CYTH4: variants seen among roughly 807,000 people sequenced by gnomAD.
CYTH4 encodes the protein cytohesin 4, also known as cytohesin-4.
A neutral mutation model predicts 57.5 loss-of-function variants in CYTH4; 22 were observed. The ratio of observed to expected loss-of-function variants is 0.38; its 90% CI spans 0.27 to 0.55. The LOEUF is 0.55. Ranked by LOEUF, CYTH4 falls within the 20% of genes least tolerant of loss-of-function variation. The pLI, the probability that CYTH4 is intolerant of heterozygous loss-of-function variation, is 0.74. For synonymous variants in CYTH4, 186 were observed against 206.5 expected (o/e 0.90, Z 0.85); for missense variants, 420 against 535.6 (o/e 0.78, Z 2.13).
chr22:37,283,197 G>A (rs915964853), intron 1 of CYTH4, among the ~76,000 whole-genome samples: 2 of 152,152 alleles, frequency 1.3e-5, no homozygotes, highest in African/African-American at 2.4e-5. Context: ...AGAGCCAGGG[G>A]AGGGCCAGGA....
chr22:37,301,124 C>A, intron 7 of CYTH4, 105 bp downstream of exon 7: 1 of 881,528 alleles, frequency 1.1e-6, no homozygotes, highest in Non-Finnish European at 1.8e-6. Context: ...CAGACCCTGG[C>A]AGCCCAGACC....
chr22:37,282,529 G>T lies in CYTH4; in HGVS notation c.-41G>T. 1.2e-6 allele frequency: 2 copies of T among 1,613,114 alleles called. No individual in the cohort carries two copies. The highest frequency in any genetic ancestry group is 1.7e-6 in the Non-Finnish European group (2 of 1,179,686). ...GCCCGAACAGCAGCTGGGTCGGCAA[G>T]CGACAGGAGCACGGGTCATCTTTTC... On this transcript the variant is annotated 5_prime_UTR_variant, in exon 1 of 13. Transcript: ENST00000248901.
At chr22:37,310,495 G>T (rs778945750) in intron 9 of CYTH4, among the ~76,000 whole-genome samples, 1 of 152,332 alleles carries the variant, frequency 6.6e-6, no homozygotes, top group Non-Finnish European at 1.5e-5. Context: ...CTGCTGAACC[G>T]TGGGCAGGCG....
chr22:37,296,132 C>T, intron 4 of CYTH4, 67 bp downstream of exon 4: 1 of 1,492,458 alleles, frequency 6.7e-7, no homozygotes, highest in Non-Finnish European at 9.2e-7. Flanking sequence ...GCCTGGTGTC[C>T]TCTCGCTCCC....
At position 37,311,855 on chromosome 22, in the gene CYTH4, GCC is replaced by G; in HGVS notation, c.958-164_958-163del. 1 of 869,018 alleles carries G rather than the reference GCC, an allele frequency of 1.2e-6. No homozygotes were observed. Among genetic ancestry groups the G allele is most frequent in the Non-Finnish European group, 1.7e-6 (1 of 587,638 alleles). The allele number at this position is 869,018 out of a possible 1,614,324, so 53.8% of individuals were successfully genotyped here. On this transcript the variant is annotated intron_variant, in intron 11 of 12. Coordinates refer to ENST00000248901, the MANE Select transcript of CYTH4 (RefSeq NM_013385.5). This position sits in a 1 kb window ranked among gnomAD's most constrained non-coding sequence, Gnocchi z 4.4. Reference sequence around the variant, plus strand: ...GGGAGGATGGTGGATTCAGGAGCCTGCCACAGAGAGAGTGCTCAGTGTGGGAG... The same window carrying G: ...GGGAGGATGGTGGATTCAGGAGCCTGACAGAGAGAGTGCTCAGTGTGGGAG...
chr22:37,314,090 C>T lies in CYTH4; in HGVS notation c.*579C>T, dbSNP rs3203727. 134,163 of 344,012 alleles carry T rather than the reference C, an allele frequency of 0.39. 27,028 individuals are homozygous for T. Among genetic ancestry groups the T allele is most frequent in the South Asian group, 0.66 (4,369 of 6,634 alleles). The allele number at this position is 344,012 out of a possible 1,614,324, so 21.3% of individuals were successfully genotyped here. On this transcript the variant is annotated 3_prime_UTR_variant, in exon 13 of 13. Transcript: ENST00000248901. Reference sequence around the variant, plus strand: ...CCCCGGGAGCACTGCCCTAGGAGCCCGGACCCCACGAGCTCAGTCCCAGCT... The same window carrying T: ...CCCCGGGAGCACTGCCCTAGGAGCCTGGACCCCACGAGCTCAGTCCCAGCT...
rs958172847 is a variant in CYTH4 at position 37,314,072 on chromosome 22, A to G, written c.*561A>G. On this transcript the variant is annotated 3_prime_UTR_variant, in exon 13 of 13. Transcript: ENST00000248901. ...CAGGACCCCGGGACAGAACCCCGGG[A>G]GCACTGCCCTAGGAGCCCGGACCCC... 3 of 328,524 alleles carry G rather than the reference A, an allele frequency of 9.1e-6. No individual in the cohort carries two copies. The highest frequency in any genetic ancestry group is 4.7e-5 in the Admixed American group (1 of 21,184). The allele number at this position is 328,524 out of a possible 1,614,324, so 20.4% of individuals were successfully genotyped here.
intron 8 of CYTH4, among the ~76,000 whole-genome samples, chr22:37,307,353 C>T (rs1929439056): frequency 6.6e-6 from 1 of 152,210 alleles, no homozygotes; most frequent in African/African-American, 2.4e-5. Context: ...GCTCCTTGGG[C>T]TTCCAAATAT....
intron 7 of CYTH4, 44 bp from the exon 8 acceptor site, chr22:37,303,210 G>A (rs1929251201): frequency 3.1e-6 from 5 of 1,610,522 alleles, no homozygotes; most frequent in Non-Finnish European, 4.2e-6. Context: ...CAGAGGCAGG[G>A]AGAGTGGCCA....
intron 1 of CYTH4, among the ~76,000 whole-genome samples, chr22:37,284,923 A>C (rs537019971): frequency 6.7e-6 from 1 of 149,974 alleles, no homozygotes; most frequent in Non-Finnish European, 1.5e-5. Flanking sequence ...GCAGTTAAAA[A>C]TAGAGCCAGC....
At chr22:37,303,508 T>C in intron 8 of CYTH4, 106 bp downstream of exon 8, 1 of 1,419,424 alleles carries the variant, frequency 7.0e-7, no homozygotes, top group Non-Finnish European at 9.3e-7. Context: ...CAGCCCCCAG[T>C]GGGGACTCTG....
intron 8 of CYTH4, among the ~76,000 whole-genome samples, chr22:37,303,651 A>T (rs540472134): frequency 6.6e-6 from 1 of 152,292 alleles, no homozygotes; most frequent in South Asian, 2.1e-4. Context: ...CAGGAGGTCC[A>T]CCCAGATTTA....
intron 2 of CYTH4, among the ~76,000 whole-genome samples, chr22:37,293,727 C>T (rs987753889): frequency 3.9e-5 from 6 of 152,076 alleles, no homozygotes; most frequent in Non-Finnish European, 7.4e-5. Flanking sequence ...GCCAGAGGCT[C>T]ATGCTGGTGT....
Position 37,311,737 on chromosome 22 carries a change from G to C in CYTH4, c.957+210G>C. The C allele has an allele frequency of 1.5e-6, 1 of 657,338 alleles. No individual in the cohort carries two copies. The highest frequency in any genetic ancestry group is 2.6e-6 in the Non-Finnish European group (1 of 385,598). The allele number at this position is 657,338 out of a possible 1,614,324, so 40.7% of individuals were successfully genotyped here. A position where few individuals can be genotyped will look rare whatever the true frequency, so the allele number is the denominator to read the frequency against. On this transcript the variant is annotated intron_variant, in intron 11 of 12. Transcript: ENST00000248901. The surrounding 1 kb of genome is among the most constrained non-coding windows in gnomAD (Gnocchi z 4.4). ...GGGTCCAAGGACGTGGTTGTCCCCT[G>C]TTGTCCCACACAGCCCGACTGGCTG...
At chr22:37,308,617 T>C (rs1277430046) in intron 8 of CYTH4, among the ~76,000 whole-genome samples, 3 of 151,804 alleles carry the variant, frequency 2.0e-5, no homozygotes, top group Admixed American at 6.6e-5. Flanking sequence ...TATGTGTGCA[T>C]AAGCATGCAT....
chr22:37,298,032 T>C lies in CYTH4; in HGVS notation c.353+350T>C. On this transcript the variant is annotated intron_variant, in intron 5 of 12. Transcript: ENST00000248901. This position sits in a 1 kb window ranked among gnomAD's most constrained non-coding sequence, Gnocchi z 4.1. ...AGTTGTAAAATATGTTAGAGAATGA[T>C]AAGCTCTGTGGAATACAAATCGAGC... The C allele has an allele frequency of 5.1e-6, 1 of 197,366 alleles. No homozygotes were observed. Among genetic ancestry groups the C allele is most frequent in the Non-Finnish European group, 1.1e-5 (1 of 94,212 alleles). The allele number at this position is 197,366 out of a possible 1,614,324, so 12.2% of individuals were successfully genotyped here.
At chr22:37,297,075 G>A (rs1050725545) in intron 4 of CYTH4, among the ~76,000 whole-genome samples, 2 of 152,258 alleles carry the variant, frequency 1.3e-5, no homozygotes, top group Non-Finnish European at 2.9e-5. Flanking sequence ...CACGATGGAA[G>A]CTGTCTGCCT....
intron 8 of CYTH4, among the ~76,000 whole-genome samples, chr22:37,308,870 G>A (rs866531723): frequency 8.8e-6 from 1 of 113,880 alleles, no homozygotes; most frequent in Admixed American, 1.0e-4. Context: ...GTGCATACAT[G>A]TGCGTGTGTG....
intron 8 of CYTH4, among the ~76,000 whole-genome samples, chr22:37,308,970 G>A (rs1929531266): frequency 6.6e-6 from 1 of 152,164 alleles, no homozygotes. Context: ...GTAGCACAGA[G>A]GGAAGCATGA....
Sources: gnomAD v4.1 joint callset for allele counts (sites outside exome capture counted in the v4.1 genomes callset) on GRCh38, gnomAD v4.1.1 for gene constraint, Gnocchi (gnomAD v3.1) non-coding constraint, MANE v1.5 for transcripts, NCBI Gene and HGNC (gene_info 2026-07-23, HGNC 2026-07-21) for gene names.